The following GABRB3 variants were observed in gnomAD, a reference collection of about 807,000 sequenced individuals.
GABRB3 encodes the protein gamma-aminobutyric acid receptor subunit beta-3.
GABRB3 carries 14 observed loss-of-function variants against 52.1 expected under a neutral mutation model. The ratio of observed to expected loss-of-function variants is 0.27; its 90% CI spans 0.18 to 0.42. GABRB3 has a LOEUF of 0.42. GABRB3 is among the 10% of genes least tolerant of loss of function. GABRB3 has a pLI of 1.00. For synonymous variants in GABRB3, 260 were observed against 232.3 expected, an observed-to-expected ratio of 1.12 and a Z score of -1.08; for missense variants, 307 against 609.1, an observed-to-expected ratio of 0.50 and a Z score of 5.22.
chr15:26,684,788 GGGTGCTGTTCA>G (rs1453679374), intron 3 of GABRB3, among the ~76,000 whole-genome samples: 40 of 152,292 alleles, frequency 2.6e-4, no homozygotes, highest in African/African-American at 8.2e-4. Context: ...CGTCTTCTAT[GGGTGCTGTTCA>G]TGGTGCCCCA....
chr15:26,568,195 T>C (rs540634836), intron 6 of GABRB3, among the ~76,000 whole-genome samples: 9 of 152,228 alleles, frequency 5.9e-5, no homozygotes, highest in African/African-American at 2.2e-4. Context: ...CTAGAGTGAC[T>C]GGGCTAGCTC....
intron 4 of GABRB3, among the ~76,000 whole-genome samples, chr15:26,609,486 A>G (rs1472085614): frequency 6.6e-6 from 1 of 152,172 alleles, no homozygotes; most frequent in Non-Finnish European, 1.5e-5. Context: ...TATAAAACGC[A>G]TTTTAAAACT....
intron 3 of GABRB3, among the ~76,000 whole-genome samples, chr15:26,730,924 C>G (rs1889893649): frequency 6.6e-6 from 1 of 152,184 alleles, no homozygotes; most frequent in Non-Finnish European, 1.5e-5. Flanking sequence ...ATAATAGAAG[C>G]TAACAGATTA....
At chr15:26,711,759 C>A (rs1181897882) in intron 3 of GABRB3, among the ~76,000 whole-genome samples, 1 of 152,176 alleles carries the variant, frequency 6.6e-6, no homozygotes, top group African/African-American at 2.4e-5. Context: ...CAGCCAGCAG[C>A]ATCAACCACC....
chr15:26,682,072 CT>C (rs1165838425), intron 3 of GABRB3, among the ~76,000 whole-genome samples: 1 of 152,158 alleles, frequency 6.6e-6, no homozygotes, highest in African/African-American at 2.4e-5. Context: ...AGGAAGATTA[CT>C]AAATCTTTGA....
intron 3 of GABRB3, among the ~76,000 whole-genome samples, chr15:26,738,753 A>G (rs1890129406): frequency 6.6e-6 from 1 of 152,142 alleles, no homozygotes; most frequent in South Asian, 2.1e-4. Context: ...GCTCAGTCTC[A>G]CTTTCCAGGA....
In GABRB3 at chr15:26,547,672, G is replaced by A. The variant is rs970838090; in HGVS notation, c.*121C>T. The A allele has an allele frequency of 1.7e-5, 12 of 723,918 alleles. No individual in the cohort carries two copies. Among genetic ancestry groups the A allele is most frequent in the South Asian group, 4.7e-5 (3 of 63,274 alleles). The allele number at this position is 723,918 out of a possible 1,614,324, so 44.8% of individuals were successfully genotyped here. ...AAAGTTCACATATATATACAATTGC[G>A]TATGTATATATGTGTGTGTCTGCTT... On this transcript the variant is annotated 3_prime_UTR_variant, in exon 9 of 9. Coordinates refer to ENST00000311550, the MANE Select transcript of GABRB3 (RefSeq NM_000814.6).
At chr15:26,565,062 CTG>C (rs1890115678) in intron 7 of GABRB3, among the ~76,000 whole-genome samples, 1 of 152,174 alleles carries the variant, frequency 6.6e-6, no homozygotes. Context: ...TCGTACTGTG[CTG>C]TGAGTCTTCT....
At chr15:26,770,927 TG>T (rs1310967682) in intron 3 of GABRB3, among the ~76,000 whole-genome samples, 1 of 152,250 alleles carries the variant, frequency 6.6e-6, no homozygotes, top group East Asian at 1.9e-4. Context: ...AGGTAATTTA[TG>T]CAGTCACATT....
At chr15:26,709,752 T>C (rs1044110516) in intron 3 of GABRB3, among the ~76,000 whole-genome samples, 6 of 152,138 alleles carry the variant, frequency 3.9e-5, no homozygotes, top group African/African-American at 7.2e-5. Flanking sequence ...CTCCTGACCT[T>C]GTGATCCACC....
chr15:26,549,297 C>T (rs900524050), intron 8 of GABRB3, among the ~76,000 whole-genome samples: 8 of 152,126 alleles, frequency 5.3e-5, no homozygotes, highest in Non-Finnish European at 8.8e-5. Flanking sequence ...GAGAAGGCGC[C>T]GGGCCTGTAT....
rs11455423 is a variant in GABRB3, at chr15:26,742,383, G to GAA, written c.240+30017_240+30018dup. On this transcript the variant is annotated intron_variant, in intron 3 of 8. Coordinates refer to ENST00000311550, the MANE Select transcript of GABRB3 (RefSeq NM_000814.6). The stretch of plus-strand genomic sequence containing the variant: ...TTTAGTTTCTGGTCTATGATGTATT[G>GAA]AAAAAAAAAAAAGCCTCTCCTACTC... 9.4e-3 allele frequency among the ~76,000 whole-genome samples: 1,360 copies of GAA among 144,522 alleles called. 11 individuals carry two copies. Among genetic ancestry groups the GAA allele is most frequent in the African/African-American group, 0.03 (1,167 of 38,738 alleles). 94.8% of individuals were successfully genotyped at this position (144,522 alleles called of 152,430 possible).
At chr15:26,731,650 C>T (rs1419756785) in intron 3 of GABRB3, among the ~76,000 whole-genome samples, 5 of 152,176 alleles carry the variant, frequency 3.3e-5, no homozygotes, top group African/African-American at 1.2e-4. Flanking sequence ...TATTCATATT[C>T]TCACACTCTG....
chr15:26,586,121 CCCAAGTAGA>C (rs1890974366), intron 4 of GABRB3, among the ~76,000 whole-genome samples: 2 of 152,128 alleles, frequency 1.3e-5, no homozygotes, highest in African/African-American at 4.8e-5. Flanking sequence ...GCCTCAGCCT[CCCAAGTAGA>C]TGGGACTACA....
intron 3 of GABRB3, among the ~76,000 whole-genome samples, chr15:26,714,835 G>A (rs751108552): frequency 6.6e-5 from 10 of 152,164 alleles, no homozygotes; most frequent in Non-Finnish European, 1.3e-4. Context: ...ACTCAGGACT[G>A]TCTCAATGAA....
intron 4 of GABRB3, among the ~76,000 whole-genome samples, chr15:26,604,812 G>C (rs181263312): frequency 3.9e-5 from 6 of 151,986 alleles, no homozygotes; most frequent in Non-Finnish European, 2.9e-5. Flanking sequence ...CTATGAAACT[G>C]CTAAAGGACA....
chr15:26,566,435 C>A (rs1028883952), intron 7 of GABRB3, among the ~76,000 whole-genome samples: 3 of 151,980 alleles, frequency 2.0e-5, no homozygotes, highest in Non-Finnish European at 4.4e-5. Flanking sequence ...AGTTGGTAAA[C>A]AGAAAAAGGG....
At chr15:26,636,027 A>T (rs1893050638) in intron 3 of GABRB3, among the ~76,000 whole-genome samples, 1 of 152,214 alleles carries the variant, frequency 6.6e-6, no homozygotes, top group Non-Finnish European at 1.5e-5. Flanking sequence ...TTGGATGGAC[A>T]TCTCTGCAAG....
At chr15:26,577,945 C>G (rs894620521) in intron 6 of GABRB3, among the ~76,000 whole-genome samples, 2 of 152,128 alleles carry the variant, frequency 1.3e-5, no homozygotes, top group Admixed American at 6.5e-5. Flanking sequence ...GCCACCGTGG[C>G]CTGACTAAAT....
Sources: allele counts gnomAD v4.1 joint callset (sites outside exome capture counted in the v4.1 genomes callset), GRCh38; gene constraint gnomAD v4.1.1; transcripts MANE v1.5; gene names NCBI Gene and HGNC (gene_info 2026-07-23, HGNC 2026-07-21).